PDE10A: variants seen among roughly 807,000 people sequenced by gnomAD.
PDE10A encodes cAMP and cAMP-inhibited cGMP 3',5'-cyclic phosphodiesterase 10A.
Under a neutral mutation model 97.7 loss-of-function variants are expected in PDE10A, and 39 were observed. That is an observed-to-expected ratio of 0.40 (90% CI 0.31 to 0.52). PDE10A has a LOEUF of 0.52. Ranked by LOEUF, PDE10A falls within the 20% of genes least tolerant of loss-of-function variation. PDE10A has a pLI of 0.56. For synonymous variants in PDE10A, 371 were observed against 376.8 expected (o/e 0.98, Z 0.18); for missense variants, 731 against 1,047.8 (o/e 0.70, Z 4.17).
intron 5 of PDE10A, among the ~76,000 whole-genome samples, chr6:165,445,390 G>A (rs1790772368): frequency 6.6e-6 from 1 of 152,208 alleles, no homozygotes; most frequent in Non-Finnish European, 1.5e-5. Context: ...AGATCCCAAA[G>A]CTGTCTTTCT....
chr6:165,788,246 G>A (rs552653958), intron 1 of PDE10A, among the ~76,000 whole-genome samples: 17 of 151,788 alleles, frequency 1.1e-4, no homozygotes, highest in African/African-American at 2.4e-4. Flanking sequence ...GGCCAGGTGC[G>A]GTGGCTCACA....
rs61455081 is a variant in PDE10A, at chr6:165,409,164, C to CA, written c.2076+4336dup. Among the ~76,000 whole-genome samples, 822 of 108,038 alleles carry CA rather than the reference C, an allele frequency of 7.6e-3. 7 individuals are homozygous for CA. The highest frequency in any genetic ancestry group is 0.011 in the Non-Finnish European group (603 of 54,424). The allele number at this position is 108,038 out of a possible 152,430, so 70.9% of individuals were successfully genotyped here. ...TGGGCGACAGGGTGAGACTCCATCT[C>CA]AAAAAAAAAAAAAAAAAAGAAAAAA... On this transcript the variant is annotated intron_variant, in intron 13 of 21. Transcript: ENST00000539869.
chr6:165,493,560 C>T (rs2128289367), intron 2 of PDE10A, among the ~76,000 whole-genome samples: 1 of 152,134 alleles, frequency 6.6e-6, no homozygotes, highest in South Asian at 2.1e-4. Flanking sequence ...TGATTTTTGA[C>T]ACAGAAACAA....
intron 1 of PDE10A, among the ~76,000 whole-genome samples, chr6:165,640,843 A>T (rs1345351237): frequency 6.6e-6 from 1 of 152,274 alleles, no homozygotes; most frequent in African/African-American, 2.4e-5. Flanking sequence ...TCATCTATTA[A>T]TAAGAAGTAT....
intron 2 of PDE10A, 84 bp from the exon 3 acceptor site, chr6:165,482,427 A>G: frequency 9.5e-7 from 1 of 1,048,852 alleles, no homozygotes; most frequent in Non-Finnish European, 1.5e-6. Flanking sequence ...TGCTTTCAAT[A>G]AACTTGAAGG....
At chr6:165,880,622 A>C (rs1402969483) in intron 1 of PDE10A, among the ~76,000 whole-genome samples, 1 of 152,140 alleles carries the variant, frequency 6.6e-6, no homozygotes, top group Non-Finnish European at 1.5e-5. Context: ...AGAGTCCTTT[A>C]AATGTTCATC....
chr6:165,369,584 G>C (rs2128199585), intron 18 of PDE10A, among the ~76,000 whole-genome samples: 1 of 145,240 alleles, frequency 6.9e-6, no homozygotes, highest in African/African-American at 2.6e-5. Context: ...TATGTGAAAA[G>C]ACCAAATCTA....
intron 18 of PDE10A, among the ~76,000 whole-genome samples, chr6:165,378,964 G>GT (rs1372856348): frequency 8.5e-5 from 13 of 152,160 alleles, no homozygotes; most frequent in Non-Finnish European, 1.2e-4. Context: ...TGTGATTAGT[G>GT]TAACTTCCAA....
chr6:165,495,523 C>T (rs1384789013), intron 2 of PDE10A, among the ~76,000 whole-genome samples: 6 of 147,408 alleles, frequency 4.1e-5, no homozygotes. Context: ...TCAATTTTAC[C>T]AGGTAAAACT....
intron 3 of PDE10A, among the ~76,000 whole-genome samples, chr6:165,471,985 A>G (rs1779040897): frequency 1.3e-5 from 2 of 152,188 alleles, no homozygotes; most frequent in African/African-American, 4.8e-5. Context: ...GTCAAAAATA[A>G]TACTCCCTTT....
At chr6:165,486,503 T>C (rs1386345892) in intron 2 of PDE10A, among the ~76,000 whole-genome samples, 1 of 152,176 alleles carries the variant, frequency 6.6e-6, no homozygotes, top group East Asian at 1.9e-4. Context: ...AGAGAAAGGC[T>C]GGCGAGCTGA....
chr6:165,416,386 C>T (rs964472716), intron 11 of PDE10A, 105 bp from the exon 12 acceptor site: 6 of 771,356 alleles, frequency 7.8e-6, no homozygotes, highest in Admixed American at 5.9e-5. Context: ...CACTGTTTTA[C>T]TTAAATGCGT....
intron 1 of PDE10A, among the ~76,000 whole-genome samples, chr6:165,812,927 G>A (rs1221051537): frequency 6.6e-6 from 1 of 152,116 alleles, no homozygotes; most frequent in African/African-American, 2.4e-5. Context: ...GAAATCCTGG[G>A]CTTATTCCAG....
intron 1 of PDE10A, among the ~76,000 whole-genome samples, chr6:165,724,487 G>T (rs547843199): frequency 6.6e-6 from 1 of 152,324 alleles, no homozygotes; most frequent in Non-Finnish European, 1.5e-5. Flanking sequence ...GCTGAATCAG[G>T]CTCGCCCCCA....
chr6:165,416,971 T>C lies in PDE10A; in HGVS notation c.1797-690A>G, dbSNP rs150268924. 7.2e-5 allele frequency among the ~76,000 whole-genome samples: 11 copies of C among 152,120 alleles called. No individual in the cohort carries two copies. The East Asian group carries it at 1.3e-3, about 19-fold the overall frequency. ...ATTTTCATACTTATATTTTTCTCAT[T>C]ACTATACCATCATCACACAGGCACT... On this transcript the variant is annotated intron_variant, in intron 11 of 21. Transcript: ENST00000539869.
chr6:165,584,869 A>T (rs1047677071), intron 1 of PDE10A, among the ~76,000 whole-genome samples: 1 of 152,202 alleles, frequency 6.6e-6, no homozygotes, highest in Admixed American at 6.5e-5. Flanking sequence ...TGGTGCTCCC[A>T]GAGGGCAAAG....
At chr6:165,816,097 C>T (rs961317906) in intron 1 of PDE10A, among the ~76,000 whole-genome samples, 1 of 152,046 alleles carries the variant, frequency 6.6e-6, no homozygotes, top group Non-Finnish European at 1.5e-5. Flanking sequence ...CTACAGGCGC[C>T]CACCACCACT....
chr6:165,807,719 C>T lies in PDE10A; in HGVS notation c.-615+179810G>A, dbSNP rs1461388962. On this transcript the variant is annotated intron_variant, in intron 1 of 19. Transcript: ENST00000366882. ...TAGAAATTCAGATTCAAGCTGAAGA[C>T]GCCAAAGAAATTGGCTTGCCGGCGG... Among the ~76,000 whole-genome samples the T allele has an allele frequency of 2.0e-5, 3 of 152,036 alleles. No individual in the cohort carries two copies. In the East Asian group the frequency reaches 5.8e-4, roughly 29 times the overall value.
chr6:165,619,446 A>AGTGCAGTG, intron 1 of PDE10A, among the ~76,000 whole-genome samples: 1 of 76,904 alleles, frequency 1.3e-5, no homozygotes, highest in East Asian at 3.3e-4. Flanking sequence ...AGTGTAGTAT[A>AGTGCAGTG]GTCTAGTGTA....
Sources: allele counts gnomAD v4.1 joint callset (sites outside exome capture counted in the v4.1 genomes callset), GRCh38; gene constraint gnomAD v4.1.1; transcripts MANE v1.5; gene names NCBI Gene and HGNC (gene_info 2026-07-23, HGNC 2026-07-21).